Variants in CMSS1 observed in about 807,000 individuals in gnomAD.
CMSS1 encodes the protein cms1 ribosomal small subunit homolog.
In CMSS1, 33 loss-of-function variants were observed where a neutral mutation model predicts 43.5. The ratio of observed to expected loss-of-function variants is 0.76; its 90% CI spans 0.57 to 1.01. The LOEUF (loss-of-function observed/expected upper bound fraction) is 1.01. Among genes scored for constraint, CMSS1 ranks in the 50% least tolerant of loss-of-function variants. The pLI is 0.00. For missense variants in CMSS1, 313 were observed against 326.4 expected, an observed-to-expected ratio of 0.96 and a Z score of 0.32; for synonymous variants, 115 against 117.2, an observed-to-expected ratio of 0.98 and a Z score of 0.12.
chr3:99,929,715 C>G, intron 1 of CMSS1: 1 of 552,968 alleles, frequency 1.8e-6, no homozygotes. Flanking sequence ...TTGAACTTGT[C>G]GTATTTATCT....
At chr3:100,160,684 G>C (rs1390119525) in intron 3 of CMSS1, among the ~76,000 whole-genome samples, 183 bp downstream of exon 3, 4 of 152,172 alleles carry the variant, frequency 2.6e-5, no homozygotes, top group Non-Finnish European at 4.4e-5. Context: ...TTGGAGCTAA[G>C]AATAAATTCT....
chr3:99,950,796 G>C (rs1708153490), intron 1 of CMSS1, among the ~76,000 whole-genome samples: 1 of 152,016 alleles, frequency 6.6e-6, no homozygotes, highest in Non-Finnish European at 1.5e-5. Flanking sequence ...TGGAGACTTA[G>C]GTAAATATTC....
At position 100,053,116 on chromosome 3, in the gene CMSS1, A is replaced by G. The variant is rs138910402; in HGVS notation, c.65-93857A>G. Among the ~76,000 whole-genome samples the G allele has an allele frequency of 7.2e-3, 1,102 of 152,190 alleles. 4 individuals carry two copies. The highest frequency in any genetic ancestry group is 0.01 in the African/African-American group (418 of 41,502). On this transcript the variant is annotated intron_variant, in intron 1 of 9. Transcript: ENST00000421999. ...CCTGTGCCTTTATCTCTTAAACCCT[A>G]TATATTGCTCCAATTTGGGGCATAG...
rs7640964 is a variant in CMSS1, at chr3:99,972,850, C to G, written c.64+154807C>G. 5.5e-3 allele frequency among the ~76,000 whole-genome samples: 843 copies of G among 152,278 alleles called. 3 individuals are homozygous for G. Among genetic ancestry groups the G allele is most frequent in the African/African-American group, 0.019 (806 of 41,562 alleles). On this transcript the variant is annotated intron_variant, in intron 1 of 9. Coordinates refer to ENST00000421999, the MANE Select transcript of CMSS1 (RefSeq NM_032359.4). ...GCATCTGTCTGATGCAGGCCTTTGG[C>G]TTTGGAACTTTTTCTTTCATGTTAG...
chr3:100,026,404 A>G (rs1204630816), intron 1 of CMSS1, among the ~76,000 whole-genome samples: 3 of 152,024 alleles, frequency 2.0e-5, no homozygotes, highest in African/African-American at 7.2e-5. Flanking sequence ...AGCAAGGTCG[A>G]TAGTGAACCA....
chr3:100,123,807 A>G (rs182043916), intron 1 of CMSS1, among the ~76,000 whole-genome samples: 3 of 152,346 alleles, frequency 2.0e-5, no homozygotes, highest in East Asian at 1.9e-4. Flanking sequence ...AACGCTTTGT[A>G]CAATGTCCTA....
intron 1 of CMSS1, among the ~76,000 whole-genome samples, chr3:100,134,069 CTA>C (rs2066731296): frequency 6.6e-6 from 1 of 152,154 alleles, no homozygotes; most frequent in Non-Finnish European, 1.5e-5. Context: ...GGGTTACACT[CTA>C]TAACAAGGGT....
At chr3:100,074,514 A>T (rs1489120131) in intron 1 of CMSS1, among the ~76,000 whole-genome samples, 2 of 151,864 alleles carry the variant, frequency 1.3e-5, no homozygotes, top group Admixed American at 1.3e-4. Context: ...CATTTTGCAA[A>T]TTTATTCTAT....
At chr3:100,163,005 T>C (rs994599860) in intron 4 of CMSS1, among the ~76,000 whole-genome samples, 17 of 152,200 alleles carry the variant, frequency 1.1e-4, no homozygotes, top group African/African-American at 3.1e-4. Flanking sequence ...ATACTTCTTT[T>C]CCTCAATCTA....
At chr3:100,151,051 T>C (rs1171850882) in intron 2 of CMSS1, among the ~76,000 whole-genome samples, 1 of 152,190 alleles carries the variant, frequency 6.6e-6, no homozygotes, top group African/African-American at 2.4e-5. Flanking sequence ...CTTTCCCTTC[T>C]TGCTCTCCTT....
chr3:99,821,732 TGACTTAAGGAA>T (rs1452590952), intron 1 of CMSS1, among the ~76,000 whole-genome samples: 1 of 152,152 alleles, frequency 6.6e-6, no homozygotes, highest in Non-Finnish European at 1.5e-5. Flanking sequence ...ATGGATTTCG[TGACTTAAGGAA>T]GAGAGCCAAG....
intron 1 of CMSS1, chr3:100,141,506 T>C (rs551788780): frequency 2.4e-5 from 11 of 454,724 alleles, no homozygotes; most frequent in South Asian, 1.4e-4. Flanking sequence ...TAAAGAACAA[T>C]TGACTGTATG....
intron 1 of CMSS1, chr3:100,051,180 C>G (rs2065365495): frequency 6.6e-6 from 1 of 152,030 alleles, no homozygotes; most frequent in South Asian, 2.1e-4. Context: ...GATCACAATT[C>G]TTCTCTGTGA....
intron 1 of CMSS1, among the ~76,000 whole-genome samples, chr3:100,133,953 C>T (rs920386235): frequency 3.9e-5 from 6 of 152,130 alleles, no homozygotes; most frequent in African/African-American, 1.4e-4. Context: ...TAACGGGATA[C>T]ATTATGTATT....
At chr3:100,033,793 A>G (rs1280065199) in intron 1 of CMSS1, among the ~76,000 whole-genome samples, 6 of 152,186 alleles carry the variant, frequency 3.9e-5, no homozygotes, top group Non-Finnish European at 2.9e-5. Context: ...TCTTTCCATG[A>G]ATTGTTTTTA....
chr3:99,944,210 C>G (rs1380528464), intron 1 of CMSS1, among the ~76,000 whole-genome samples: 1 of 152,074 alleles, frequency 6.6e-6, no homozygotes, highest in Non-Finnish European at 1.5e-5. Flanking sequence ...TTATTTTGTG[C>G]CTAACTGAGA....
intron 1 of CMSS1, among the ~76,000 whole-genome samples, chr3:99,928,920 A>G (rs568020848): frequency 1.1e-3 from 166 of 152,314 alleles, no homozygotes; most frequent in African/African-American, 3.8e-3. Context: ...GATACATATG[A>G]CCAAACTCCT....
intron 2 of CMSS1, among the ~76,000 whole-genome samples, chr3:100,157,821 G>T: frequency 6.6e-6 from 1 of 152,212 alleles, no homozygotes; most frequent in Non-Finnish European, 1.5e-5. Context: ...ATATCACCTA[G>T]TGGGGGACAG....
intron 1 of CMSS1, among the ~76,000 whole-genome samples, chr3:100,146,380 C>A (rs530984027): frequency 1.8e-4 from 27 of 152,284 alleles, no homozygotes; most frequent in African/African-American, 5.3e-4. Context: ...CATCTGATGT[C>A]AAGGCCTGGC....
Sources: allele counts gnomAD v4.1 joint callset (sites outside exome capture counted in the v4.1 genomes callset), GRCh38; gene constraint gnomAD v4.1.1; transcripts MANE v1.5; gene names NCBI Gene and HGNC (gene_info 2026-07-23, HGNC 2026-07-21).